Variants in FNBP1L observed in about 807,000 individuals in gnomAD.
FNBP1L encodes formin binding protein 1 like, also known as formin-binding protein 1-like.
A neutral mutation model predicts 91.2 loss-of-function variants in FNBP1L; 36 were observed. The observed-to-expected ratio is 0.39, with a 90% CI of 0.30 to 0.52. The LOEUF is 0.52. Ranked by LOEUF, FNBP1L falls within the 20% of genes least tolerant of loss-of-function variation. FNBP1L has a pLI of 0.66. For synonymous variants in FNBP1L, 242 were observed against 237.0 expected, an observed-to-expected ratio of 1.02 and a Z score of -0.19; for missense variants, 571 against 732.1, an observed-to-expected ratio of 0.78 and a Z score of 2.54.
At chr1:93,459,815 C>T (rs945800825) in intron 1 of FNBP1L, among the ~76,000 whole-genome samples, 1 of 152,100 alleles carries the variant, frequency 6.6e-6, no homozygotes, top group African/African-American at 2.4e-5. Flanking sequence ...TACGGGATTG[C>T]TATGATTTGA....
chr1:93,524,384 C>A, intron 5 of FNBP1L, 61 bp downstream of exon 5: 3 of 1,188,374 alleles, frequency 2.5e-6, no homozygotes, highest in South Asian at 1.8e-5. Flanking sequence ...GCCCTAAATA[C>A]TTTTATGCTT....
At chr1:93,533,161 C>T (rs920851196) in intron 8 of FNBP1L, 93 bp downstream of exon 8, 26 of 1,078,900 alleles carry the variant, frequency 2.4e-5, no homozygotes, top group Non-Finnish European at 3.3e-5. Flanking sequence ...ATAAAGTAAT[C>T]TGATGTGTGG....
chr1:93,511,070 G>A (rs550054431), intron 2 of FNBP1L, among the ~76,000 whole-genome samples: 1 of 152,220 alleles, frequency 6.6e-6, no homozygotes, highest in African/African-American at 2.4e-5. Context: ...ATCTAGCAAG[G>A]CAGGCCAACA....
At chr1:93,478,007 A>G (rs1669555949) in intron 1 of FNBP1L, among the ~76,000 whole-genome samples, 1 of 152,252 alleles carries the variant, frequency 6.6e-6, no homozygotes, top group African/African-American at 2.4e-5. Context: ...ACACACACAG[A>G]TTCACTTTGG....
chr1:93,482,249 A>G (rs1416306307), intron 1 of FNBP1L, among the ~76,000 whole-genome samples: 1 of 152,146 alleles, frequency 6.6e-6, no homozygotes, highest in South Asian at 2.1e-4. Flanking sequence ...CCTTATTTTC[A>G]TTTCTTCTTA....
intron 1 of FNBP1L, among the ~76,000 whole-genome samples, chr1:93,453,105 C>G (rs1456995775): frequency 6.6e-6 from 1 of 152,160 alleles, no homozygotes; most frequent in East Asian, 1.9e-4. Context: ...GGGACTACCA[C>G]CTTATATTAC....
At chr1:93,476,204 A>G (rs897758684) in intron 1 of FNBP1L, among the ~76,000 whole-genome samples, 3 of 152,196 alleles carry the variant, frequency 2.0e-5, no homozygotes, top group Non-Finnish European at 2.9e-5. Flanking sequence ...TCTATGTTCA[A>G]TTAAAGTATT....
Position 93,544,097 on chromosome 1 carries a change from C to CTCTTT in FNBP1L, c.1165-7_1165-3dup. ...AATGTCTATTATAATGATTTAGATT[C>CTCTTT]TCTTTTCAGGGCCCAGCACTAGAAG... On this transcript the variant is annotated splice_polypyrimidine_tract_variant and intron_variant, in intron 11 of 16. Transcript: ENST00000271234. 1 of 1,573,000 alleles carries CTCTTT rather than the reference C, an allele frequency of 6.4e-7. No individual in the cohort carries two copies. The highest frequency in any genetic ancestry group is 8.6e-7 in the Non-Finnish European group (1 of 1,160,262).
intron 16 of FNBP1L, chr1:93,551,486 GT>G (rs768109840): frequency 1.0e-6 from 1 of 988,378 alleles, no homozygotes; most frequent in Non-Finnish European, 1.2e-6. Context: ...AGTGACTTTA[GT>G]GAATTTGAAT....
chr1:93,448,181 T>C lies in FNBP1L; in HGVS notation c.-101T>C. Reference sequence around the variant, plus strand: ...GCGGCACCTTTCGAGGTAGACCCGCTGAGCTGCTAGCCCGCCGGCCAGCGA... The same window carrying C: ...GCGGCACCTTTCGAGGTAGACCCGCCGAGCTGCTAGCCCGCCGGCCAGCGA... On this transcript the variant is annotated 5_prime_UTR_variant, in exon 1 of 17. Transcript: ENST00000271234. The C allele has an allele frequency of 6.9e-7, 1 of 1,455,994 alleles. No homozygotes were observed. The highest frequency in any genetic ancestry group is 9.2e-7 in the Non-Finnish European group (1 of 1,081,794). The allele number at this position is 1,455,994 out of a possible 1,614,324, so 90.2% of individuals were successfully genotyped here. A position where few individuals can be genotyped will look rare whatever the true frequency, so the allele number is the denominator to read the frequency against.
chr1:93,494,411 AT>A (rs1299278232), intron 1 of FNBP1L, among the ~76,000 whole-genome samples: 1 of 152,144 alleles, frequency 6.6e-6, no homozygotes, highest in Non-Finnish European at 1.5e-5. Context: ...CATAGGTATG[AT>A]TGATTAAATC....
chr1:93,521,950 A>C, intron 2 of FNBP1L, 132 bp from the exon 3 acceptor site: 4 of 410,256 alleles, frequency 9.8e-6, no homozygotes, highest in East Asian at 4.2e-5. Flanking sequence ...CTAATGGAGT[A>C]GAGATCATAT....
chr1:93,534,119 C>A (rs1671769747), intron 8 of FNBP1L, among the ~76,000 whole-genome samples: 1 of 152,088 alleles, frequency 6.6e-6, no homozygotes, highest in Non-Finnish European at 1.5e-5. Context: ...ATTAAACTTT[C>A]AAATGTTGTT....
chr1:93,473,909 G>A (rs190766467), intron 1 of FNBP1L, among the ~76,000 whole-genome samples: 111 of 152,244 alleles, frequency 7.3e-4, no homozygotes, highest in Non-Finnish European at 1.4e-3. Flanking sequence ...AAAGGGCTGC[G>A]TGACGGGATC....
chr1:93,537,727 T>C (rs1671893672), intron 10 of FNBP1L, among the ~76,000 whole-genome samples: 1 of 152,176 alleles, frequency 6.6e-6, no homozygotes, highest in Non-Finnish European at 1.5e-5. Context: ...CTATAATCAC[T>C]TCTAAAAGCT....
chr1:93,473,915 G>T (rs576727245), intron 1 of FNBP1L, among the ~76,000 whole-genome samples: 2 of 152,204 alleles, frequency 1.3e-5, no homozygotes, highest in South Asian at 4.2e-4. Flanking sequence ...CTGCGTGACG[G>T]GATCTATGGC....
At chr1:93,516,896 A>G (rs1259018931) in intron 2 of FNBP1L, among the ~76,000 whole-genome samples, 1 of 152,184 alleles carries the variant, frequency 6.6e-6, no homozygotes, top group Non-Finnish European at 1.5e-5. Context: ...CCACACCGTT[A>G]AATCACCTGG....
intron 2 of FNBP1L, among the ~76,000 whole-genome samples, chr1:93,520,029 T>C (rs1671269693): frequency 6.6e-6 from 1 of 152,210 alleles, no homozygotes; most frequent in African/African-American, 2.4e-5. Flanking sequence ...CTTTTCTCAG[T>C]GTCTTGCCTG....
intron 1 of FNBP1L, among the ~76,000 whole-genome samples, chr1:93,462,316 T>C (rs190201003): frequency 4.5e-4 from 69 of 152,282 alleles, no homozygotes; most frequent in African/African-American, 1.6e-3. Context: ...TTTAGAACAC[T>C]TTTAGATTTA....
Sources: allele counts gnomAD v4.1 joint callset (sites outside exome capture counted in the v4.1 genomes callset), GRCh38; gene constraint gnomAD v4.1.1; transcripts MANE v1.5; gene names NCBI Gene and HGNC (gene_info 2026-07-23, HGNC 2026-07-21).